MRPL42: variants seen among roughly 807,000 people sequenced by gnomAD.
The protein encoded by MRPL42 is large ribosomal subunit protein mL42.
MRPL42 carries 17 observed loss-of-function variants against 17.9 expected under a neutral mutation model. That is an observed-to-expected ratio of 0.95 (90% confidence interval 0.65 to 1.42). The LOEUF (loss-of-function observed/expected upper bound fraction) is 1.42. MRPL42 is among the 40% of genes most tolerant of loss of function. The pLI, the probability that MRPL42 is intolerant of heterozygous loss-of-function variation, is 0.00. For synonymous variants in MRPL42, 59 were observed against 54.4 expected, an observed-to-expected ratio of 1.08 and a Z score of -0.37; for missense variants, 177 against 175.2, an observed-to-expected ratio of 1.01 and a Z score of -0.06.
At position 93,477,153 on chromosome 12, in the gene MRPL42, T is replaced by C. The variant is rs570877521; in HGVS notation, c.134+136T>C. ...TTAATTTTGTTTTTAAAAATTATTT[T>C]AATGATTTTATTTACCCAGTATCTG... On this transcript the variant is annotated intron_variant, in intron 3 of 5. Transcript: ENST00000549982. 14 of 644,710 alleles carry C rather than the reference T, an allele frequency of 2.2e-5. No individual in the cohort carries two copies. The South Asian group carries it at 2.5e-4, about 12-fold the overall frequency. The allele number at this position is 644,710 out of a possible 1,614,324, so 39.9% of individuals were successfully genotyped here.
chr12:93,475,402 C>T (rs1880116528), intron 2 of MRPL42, among the ~76,000 whole-genome samples: 1 of 151,968 alleles, frequency 6.6e-6, no homozygotes, highest in Non-Finnish European at 1.5e-5. Context: ...AGGCATGAGC[C>T]ACTGCGCCTG....
intron 2 of MRPL42, chr12:93,470,490 G>A (rs534558538): frequency 5.5e-6 from 7 of 1,277,480 alleles, no homozygotes; most frequent in South Asian, 2.6e-5. Flanking sequence ...TTTTAGATTC[G>A]GGCGTACATG....
intron 4 of MRPL42, among the ~76,000 whole-genome samples, chr12:93,484,979 C>CAT (rs4020795): frequency 0.015 from 347 of 22,440 alleles, 11 homozygotes; most frequent in Non-Finnish European, 0.029. Context: ...CACACACACA[C>CAT]ATATATATAT....
chr12:93,468,930 T>G (rs1879769790), intron 1 of MRPL42, among the ~76,000 whole-genome samples: 1 of 152,202 alleles, frequency 6.6e-6, no homozygotes, highest in Non-Finnish European at 1.5e-5. Flanking sequence ...GAGTATTCAT[T>G]AAGTGGAAGG....
In MRPL42 at chr12:93,515,240, A is replaced by G. The variant is rs1039943837; in HGVS notation, c.*14019A>G. The G allele has an allele frequency of 1.3e-5, 2 of 152,216 alleles. No individual in the cohort carries two copies. Among genetic ancestry groups the G allele is most frequent in the Non-Finnish European group, 2.9e-5 (2 of 68,064 alleles). The allele number at this position is 152,216 out of a possible 1,614,324, so 9.4% of individuals were successfully genotyped here. A position where few individuals can be genotyped will look rare whatever the true frequency, so the allele number is the denominator to read the frequency against. On this transcript the variant is annotated 3_prime_UTR_variant, in exon 6 of 6. Transcript: ENST00000549982. ...ACGGAAGCACGATGGACTCCTGGGC[A>G]CACCGTTAAGTGACTGATGGAGTCA...
chr12:93,486,075 C>T (rs1017030601), intron 4 of MRPL42, among the ~76,000 whole-genome samples: 1 of 152,036 alleles, frequency 6.6e-6, no homozygotes, highest in Non-Finnish European at 1.5e-5. Context: ...AGTGGTTCTG[C>T]CACCTTGACC....
At chr12:93,475,353 T>G (rs192552490) in intron 2 of MRPL42, among the ~76,000 whole-genome samples, 84 of 152,024 alleles carry the variant, frequency 5.5e-4, no homozygotes, top group African/African-American at 1.9e-3. Context: ...TGACCTCAAG[T>G]GATCCACCTG....
chr12:93,482,923 A>G (rs4761519), intron 4 of MRPL42, among the ~76,000 whole-genome samples: 101,444 of 150,760 alleles, frequency 0.67, 34,281 homozygotes, highest in Middle Eastern at 0.72. Flanking sequence ...ACAGAGTCTC[A>G]CTCTGTCAAC....
chr12:93,508,583 G>A lies in MRPL42; in HGVS notation c.*7362G>A, dbSNP rs1479485462. 2 of 152,140 alleles carry A rather than the reference G, an allele frequency of 1.3e-5. No homozygotes were observed. Among genetic ancestry groups the A allele is most frequent in the African/African-American group, 4.8e-5 (2 of 41,430 alleles). The allele number at this position is 152,140 out of a possible 1,614,324, so 9.4% of individuals were successfully genotyped here. On this transcript the variant is annotated 3_prime_UTR_variant, in exon 6 of 6. Coordinates refer to ENST00000549982, the MANE Select transcript of MRPL42 (RefSeq NM_014050.4). Reference sequence around the variant, plus strand: ...TAAAAGGAGAAGCAGCAAATACTATGGCCATTCTCTTCACAATAGTTGTCA... The same window carrying A: ...TAAAAGGAGAAGCAGCAAATACTATAGCCATTCTCTTCACAATAGTTGTCA...
intron 4 of MRPL42, among the ~76,000 whole-genome samples, chr12:93,483,996 A>G (rs1211475370): frequency 2.6e-5 from 4 of 152,130 alleles, no homozygotes; most frequent in Non-Finnish European, 5.9e-5. Flanking sequence ...AGGATGATCA[A>G]TATTACTGTC....
At chr12:93,476,220 G>A (rs994983107) in intron 2 of MRPL42, among the ~76,000 whole-genome samples, 5 of 151,770 alleles carry the variant, frequency 3.3e-5, no homozygotes, top group Admixed American at 1.3e-4. Context: ...ACAGAGTTTC[G>A]CTCTTGCACA....
chr12:93,479,547 A>G, intron 4 of MRPL42, 75 bp downstream of exon 4: 1 of 816,898 alleles, frequency 1.2e-6, no homozygotes, highest in Non-Finnish European at 1.9e-6. Flanking sequence ...GTATCCAAAA[A>G]GAAGGGAGTC....
At chr12:93,487,211 C>A (rs1299011526) in intron 4 of MRPL42, among the ~76,000 whole-genome samples, 1 of 152,142 alleles carries the variant, frequency 6.6e-6, no homozygotes, top group Non-Finnish European at 1.5e-5. Context: ...GATTCTCCTG[C>A]CTTGGTTTCC....
intron 5 of MRPL42, among the ~76,000 whole-genome samples, chr12:93,489,131 C>A (rs1435197844): frequency 1.3e-5 from 2 of 152,000 alleles, no homozygotes; most frequent in Non-Finnish European, 1.5e-5. Context: ...AAAACATAAT[C>A]CCCAGTTACA....
At position 93,469,266 on chromosome 12, in the gene MRPL42, G is replaced by T. The variant is rs374202384; in HGVS notation, c.-20G>T. Reference sequence around the variant, plus strand: ...CAGAACATCTTTTTTCATACCACTTGATAAGCATCTTGAAACACCATGGCT... The same window carrying T: ...CAGAACATCTTTTTTCATACCACTTTATAAGCATCTTGAAACACCATGGCT... On this transcript the variant is annotated 5_prime_UTR_variant, in exon 2 of 6. Transcript: ENST00000549982. 1.3e-6 allele frequency: 2 copies of T among 1,591,944 alleles called. No individual in the cohort carries two copies. The highest frequency in any genetic ancestry group is 1.4e-5 in the African/African-American group (1 of 73,620).
chr12:93,470,502 G>A, intron 2 of MRPL42: 1 of 1,290,668 alleles, frequency 7.7e-7, no homozygotes, highest in Non-Finnish European at 1.0e-6. Flanking sequence ...GCGTACATGT[G>A]CAGGTTTGTT....
At position 93,513,183 on chromosome 12, in the gene MRPL42, ATTTTTTTTTTT is replaced by A. The variant is rs58784396; in HGVS notation, c.*11976_*11986del. 2 of 89,174 alleles carry A rather than the reference ATTTTTTTTTTT, an allele frequency of 2.2e-5. No individual in the cohort carries two copies. Among genetic ancestry groups the A allele is most frequent in the African/African-American group, 9.2e-5 (2 of 21,690 alleles). The allele number at this position is 89,174 out of a possible 1,614,324, so 5.5% of individuals were successfully genotyped here. A position where few individuals can be genotyped will look rare whatever the true frequency, so the allele number is the denominator to read the frequency against. The stretch of plus-strand genomic sequence containing the variant: ...AACCAGCTCATTTGTGACATTTAGA[ATTTTTTTTTTT>A]TTTTTTTTTTTTTGAGAGAGAGGGT... On this transcript the variant is annotated 3_prime_UTR_variant, in exon 6 of 6. Transcript: ENST00000549982.
intron 4 of MRPL42, among the ~76,000 whole-genome samples, chr12:93,480,904 C>T (rs1880429574): frequency 6.6e-6 from 1 of 152,076 alleles, no homozygotes; most frequent in Non-Finnish European, 1.5e-5. Context: ...GAAACAAAAG[C>T]CAGGTATCAT....
In MRPL42 at chr12:93,508,786, A is replaced by G. The variant is rs1953696933; in HGVS notation, c.*7565A>G. Reference sequence around the variant, plus strand: ...GAACACTTACTTATAAGCCATCTCTACCTGAATTAGCAATCATGGATAAGC... The same window carrying G: ...GAACACTTACTTATAAGCCATCTCTGCCTGAATTAGCAATCATGGATAAGC... On this transcript the variant is annotated 3_prime_UTR_variant, in exon 6 of 6. Transcript: ENST00000549982. 2 of 152,154 alleles carry G rather than the reference A, an allele frequency of 1.3e-5. No homozygotes were observed. The highest frequency in any genetic ancestry group is 3.9e-4 in the East Asian group (2 of 5,188). 9.4% of individuals were successfully genotyped at this position (152,154 alleles called of 1,614,324 possible).
Sources: gnomAD v4.1 joint callset for allele counts (sites outside exome capture counted in the v4.1 genomes callset) on GRCh38, gnomAD v4.1.1 for gene constraint, MANE v1.5 for transcripts, NCBI Gene and HGNC (gene_info 2026-07-23, HGNC 2026-07-21) for gene names.